Variants in PRKCQ observed in about 807,000 individuals in gnomAD.
The protein encoded by PRKCQ is protein kinase C theta type.
In PRKCQ, 41 loss-of-function variants were observed where a neutral mutation model predicts 91.2. The observed-to-expected ratio is 0.45, with a 90% CI of 0.35 to 0.58. PRKCQ has a LOEUF of 0.58. Ranked by LOEUF, PRKCQ falls within the 20% of genes least tolerant of loss-of-function variation. The pLI, the probability that PRKCQ is intolerant of heterozygous loss-of-function variation, is 0.00. For missense variants in PRKCQ, 673 were observed against 896.5 expected, an observed-to-expected ratio of 0.75 and a Z score of 3.18; for synonymous variants, 307 against 316.9, an observed-to-expected ratio of 0.97 and a Z score of 0.33.
chr10:6,518,342 C>A (rs1238229311), intron 1 of PRKCQ, among the ~76,000 whole-genome samples: 1 of 152,058 alleles, frequency 6.6e-6, no homozygotes, highest in Non-Finnish European at 1.5e-5. Flanking sequence ...GGGAAATGAT[C>A]AGATCTTTTA....
At chr10:6,426,978 T>TG (rs1833142307), downstream of PRKCQ, among the ~76,000 whole-genome samples, 1 of 152,142 alleles carries the variant, frequency 6.6e-6, no homozygotes, top group Non-Finnish European at 1.5e-5. Context: ...TTAGGTGATC[T>TG]GCCCACATTG....
intron 4 of PRKCQ, among the ~76,000 whole-genome samples, chr10:6,499,404 T>C (rs1305510052): frequency 6.6e-6 from 1 of 152,174 alleles, no homozygotes; most frequent in Admixed American, 6.5e-5. Flanking sequence ...ATTATGAGAA[T>C]GCTCAGGATG....
Position 6,430,895 on chromosome 10 carries a change from T to A in PRKCQ, c.1880A>T (p.Asp627Val). Residue 627 changes from aspartate to valine, a missense_variant, in exon 17 of 18, where the codon GAC (aspartate) becomes GTC (valine). Physicochemically the swap from Asp to Val is radical, Grantham distance 152 (BLOSUM62 -3). Transcript: ENST00000263125. This position sits in a 1 kb window ranked among gnomAD's most constrained non-coding sequence, Gnocchi z 4.7. ...EPEKRLGVRG[D>V]IRQHPLFREI... The stretch of plus-strand genomic sequence containing the variant: ...CCGAAACAAAGGGTGCTGGCGGATG[T>A]CTCCCCTCACGCCCAGCCTCTTCTC... 9 of 1,614,128 alleles carry A rather than the reference T, an allele frequency of 5.6e-6. No homozygotes were observed. Among genetic ancestry groups the A allele is most frequent in the Non-Finnish European group, 7.6e-6 (9 of 1,180,022 alleles).
At chr10:6,574,646 T>G (rs1231833329) in intron 1 of PRKCQ, among the ~76,000 whole-genome samples, 1 of 152,180 alleles carries the variant, frequency 6.6e-6, no homozygotes, top group Non-Finnish European at 1.5e-5. Context: ...TTCTTCACTT[T>G]GCAAATGGAG....
At chr10:6,443,756 G>A (rs1431913499) in intron 15 of PRKCQ, among the ~76,000 whole-genome samples, 3 of 152,154 alleles carry the variant, frequency 2.0e-5, no homozygotes, top group Admixed American at 6.5e-5. Flanking sequence ...CACATGCTAC[G>A]TGAGTGAACC....
chr10:6,560,058 A>C (rs1004765731), intron 1 of PRKCQ, among the ~76,000 whole-genome samples: 1 of 152,176 alleles, frequency 6.6e-6, no homozygotes, highest in African/African-American at 2.4e-5. Flanking sequence ...CCTGTATTTT[A>C]AACGCCCAGA....
At chr10:6,518,593 G>A (rs556637635) in intron 1 of PRKCQ, among the ~76,000 whole-genome samples, 1 of 152,250 alleles carries the variant, frequency 6.6e-6, no homozygotes, top group African/African-American at 2.4e-5. Context: ...AAGCCAAGGC[G>A]AGGAGATCAC....
chr10:6,521,230 ACT>A (rs1838991243), intron 1 of PRKCQ, among the ~76,000 whole-genome samples: 2 of 152,074 alleles, frequency 1.3e-5, no homozygotes, highest in East Asian at 1.9e-4. Flanking sequence ...TATGCTAGAG[ACT>A]CTGCATTTTT....
At chr10:6,508,920 G>A (rs190532796) in intron 3 of PRKCQ, among the ~76,000 whole-genome samples, 12 of 152,278 alleles carry the variant, frequency 7.9e-5, no homozygotes, top group Admixed American at 2.6e-4. Context: ...TCAATACGGC[G>A]TTGAGAAACA....
At chr10:6,488,563 T>C (rs1173475775) in intron 8 of PRKCQ, among the ~76,000 whole-genome samples, 2 of 152,112 alleles carry the variant, frequency 1.3e-5, no homozygotes, top group African/African-American at 4.8e-5. Flanking sequence ...TTTTTGTTTT[T>C]AGTAGAGACA....
In PRKCQ at chr10:6,497,310, C is replaced by T. The variant is rs1031350933; in HGVS notation, c.543-59G>A. The T allele has an allele frequency of 3.8e-6, 6 of 1,591,486 alleles. No homozygotes were observed. The highest frequency in any genetic ancestry group is 5.2e-6 in the Non-Finnish European group (6 of 1,160,144). On this transcript the variant is annotated intron_variant, in intron 5 of 17. Coordinates refer to ENST00000263125, the MANE Select transcript of PRKCQ (RefSeq NM_006257.5). This position sits in a 1 kb window ranked among gnomAD's most constrained non-coding sequence, Gnocchi z 4.5. ...TTGGCATCAACATCAGCACCAACAG[C>T]ATTTAAGAGATGGATGAGATCTCAT...
chr10:6,460,616 A>T (rs929665491), intron 14 of PRKCQ, among the ~76,000 whole-genome samples: 1 of 151,990 alleles, frequency 6.6e-6, no homozygotes, highest in African/African-American at 2.4e-5. Context: ...CTCAGCTTCT[A>T]AAGTAGCTGG....
intron 17 of PRKCQ, 35 bp from the exon 18 acceptor site, chr10:6,428,397 GA>G (rs753545288): frequency 1.3e-6 from 2 of 1,596,392 alleles, no homozygotes; most frequent in Non-Finnish European, 1.7e-6. Context: ...AGAAAGAGAA[GA>G]AAAATCAGCC....
chr10:6,430,802 G>A lies in PRKCQ; in HGVS notation c.1965+8C>T. The A allele has an allele frequency of 6.2e-7, 1 of 1,613,466 alleles. No individual in the cohort carries two copies. Among genetic ancestry groups the A allele is most frequent in the Non-Finnish European group, 8.5e-7 (1 of 1,179,576 alleles). On this transcript the variant is annotated splice_region_variant and intron_variant, in intron 17 of 17. Coordinates refer to ENST00000263125, the MANE Select transcript of PRKCQ (RefSeq NM_006257.5). The surrounding 1 kb of genome is among the most constrained non-coding windows in gnomAD (Gnocchi z 4.7). ...CTGACACCAAGCGGCCCATGAGCGA[G>A]TCCTTACCACTTTCGGCCGGAACGG...
chr10:6,531,200 C>T (rs999789914), intron 1 of PRKCQ, among the ~76,000 whole-genome samples: 4 of 151,718 alleles, frequency 2.6e-5, no homozygotes, highest in South Asian at 2.1e-4. Flanking sequence ...CGCCAGGGAA[C>T]GGATGCATAT....
At chr10:6,563,470 C>T (rs76146547) in intron 1 of PRKCQ, among the ~76,000 whole-genome samples, 2,508 of 152,150 alleles carry the variant, frequency 0.016, 61 homozygotes, top group African/African-American at 0.051. Flanking sequence ...CCTATAAGCC[C>T]CTCACCATGA....
the PRKCQ span, among the ~76,000 whole-genome samples, chr10:6,407,972 A>G: frequency 6.6e-6 from 1 of 151,864 alleles, no homozygotes; most frequent in East Asian, 1.9e-4. This position sits in a 1 kb window ranked among gnomAD's most constrained non-coding sequence, Gnocchi z 4.0. Context: ...TTATCACACC[A>G]AGAAAATTAA....
the PRKCQ span, among the ~76,000 whole-genome samples, chr10:6,395,916 G>A: frequency 1.4e-4 from 22 of 152,154 alleles, no homozygotes; most frequent in African/African-American, 4.6e-4. Flanking sequence ...TTTAGCTCTC[G>A]TGACGGGTCT....
intron 14 of PRKCQ, among the ~76,000 whole-genome samples, chr10:6,460,298 C>CTT (rs577051698): frequency 6.9e-6 from 1 of 144,120 alleles, no homozygotes. Flanking sequence ...ACATCTATTG[C>CTT]TTTTTTTTTT....
Sources: gnomAD v4.1 joint callset for allele counts (sites outside exome capture counted in the v4.1 genomes callset) on GRCh38, gnomAD v4.1.1 for gene constraint, Gnocchi (gnomAD v3.1) non-coding constraint, MANE v1.5 for transcripts, NCBI Gene and HGNC (gene_info 2026-07-23, HGNC 2026-07-21) for gene names.